The following PARD3B variants were observed in gnomAD, a reference collection of about 807,000 sequenced individuals.
The protein encoded by PARD3B is partitioning defective 3 homolog B.
Under a neutral mutation model 130.2 loss-of-function variants are expected in PARD3B, and 103 were observed. The ratio of observed to expected loss-of-function variants is 0.79; its 90% CI spans 0.67 to 0.93. The LOEUF (loss-of-function observed/expected upper bound fraction) is 0.93, where lower values mean the gene tolerates loss of function less well. PARD3B is among the 40% of genes least tolerant of loss of function. The pLI, the probability that PARD3B is intolerant of heterozygous loss-of-function variation, is 0.00. For missense variants in PARD3B, 1,609 were observed against 1,499.2 expected (o/e 1.07, Z -1.21); for synonymous variants, 583 against 553.2 (o/e 1.05, Z -0.76).
chr2:204,871,368 G>A (rs1409915678), intron 2 of PARD3B, among the ~76,000 whole-genome samples: 1 of 151,974 alleles, frequency 6.6e-6, no homozygotes, highest in African/African-American at 2.4e-5. Context: ...TCATATTTCT[G>A]CATCATATCC....
chr2:205,532,257 G>GAGGCTTTAAAAATATA (rs2051631637), intron 21 of PARD3B, among the ~76,000 whole-genome samples: 1 of 152,102 alleles, frequency 6.6e-6, no homozygotes, highest in Non-Finnish European at 1.5e-5. Context: ...TCATATTTTA[G>GAGGCTTTAAAAATATA]AGGCTTTAAA....
intron 2 of PARD3B, among the ~76,000 whole-genome samples, chr2:204,845,446 G>T (rs541321471): frequency 6.6e-6 from 1 of 151,990 alleles, no homozygotes; most frequent in South Asian, 2.1e-4. Context: ...ATACCAACTA[G>T]AATTATATTT....
chr2:204,759,188 C>G (rs2040799774), intron 2 of PARD3B, among the ~76,000 whole-genome samples: 1 of 152,092 alleles, frequency 6.6e-6, no homozygotes, highest in South Asian at 2.1e-4. Context: ...TTTGGTTCCT[C>G]TGAACACATA....
At chr2:204,582,527 A>G (rs1250792697) in intron 1 of PARD3B, among the ~76,000 whole-genome samples, 2 of 152,018 alleles carry the variant, frequency 1.3e-5, no homozygotes, top group African/African-American at 4.8e-5. Flanking sequence ...TCACACTATT[A>G]AAAGAGTGAC....
intron 15 of PARD3B, among the ~76,000 whole-genome samples, chr2:205,234,343 A>T (rs1213852664): frequency 6.6e-6 from 1 of 152,210 alleles, no homozygotes; most frequent in Non-Finnish European, 1.5e-5. Flanking sequence ...CTTAAAAGTA[A>T]AAGGAAGGAA....
chr2:204,901,672 C>A (rs1252818638), intron 2 of PARD3B, among the ~76,000 whole-genome samples: 3 of 151,830 alleles, frequency 2.0e-5, no homozygotes, highest in Non-Finnish European at 2.9e-5. Context: ...GAGTCTCTTG[C>A]TGTAGCCATC....
In PARD3B at chr2:205,229,005, TTC is replaced by T. The variant is rs1456121941; in HGVS notation, c.2141-16769_2141-16768del. On this transcript the variant is annotated intron_variant, in intron 15 of 22. Transcript: ENST00000406610. This position sits in a 1 kb window ranked among gnomAD's most constrained non-coding sequence, Gnocchi z 5.2. ...TTTATCTGATAGGAGTCTGAATGACTTCTCTTTGTTACCTTGAATTTCACTGA... is the reference window on the plus strand; with the variant it reads ...TTTATCTGATAGGAGTCTGAATGACTTCTTTGTTACCTTGAATTTCACTGA... Among the ~76,000 whole-genome samples, 6 of 152,224 alleles carry T rather than the reference TTC, an allele frequency of 3.9e-5. No homozygotes were observed. Among genetic ancestry groups the T allele is most frequent in the Admixed American group, 3.9e-4 (6 of 15,288 alleles).
rs1035865613 is a variant in PARD3B at position 204,720,011 on chromosome 2, G to T, written c.222+33729G>T. 7.2e-5 allele frequency among the ~76,000 whole-genome samples: 11 copies of T among 151,886 alleles called. 1 individual carries two copies. Among genetic ancestry groups the T allele is most frequent in the Admixed American group, 4.6e-4 (7 of 15,262 alleles). On this transcript the variant is annotated intron_variant, in intron 2 of 22. Coordinates refer to ENST00000406610, the MANE Select transcript of PARD3B (RefSeq NM_001302769.2). ...TCTTGAAATTACTCCTTTTTTTGAG[G>T]TTTCTTTGTATGTGTCTGTAAAGAG...
intron 1 of PARD3B, among the ~76,000 whole-genome samples, chr2:204,625,049 C>A (rs940712030): frequency 2.6e-5 from 4 of 152,010 alleles, no homozygotes; most frequent in African/African-American, 9.7e-5. Context: ...ATGTCTTTAA[C>A]CCATTTTCAA....
Position 205,113,393 on chromosome 2 carries a change from G to GGTGTGTGTGTGTGT in PARD3B, c.594-81_594-68dup, listed in dbSNP as rs3217407. The GGTGTGTGTGTGTGT allele has an allele frequency of 8.2e-5, 47 of 571,690 alleles. No homozygotes were observed. In the African/African-American group the frequency reaches 1.0e-3, roughly 13 times the overall value. 35.4% of individuals were successfully genotyped at this position (571,690 alleles called of 1,614,324 possible). ...ATTAGTTGATATAATCCTGAGCAGG[G>GGTGTGTGTGTGTGT]GTGTGTGTGTGTGTGTGTGTGTGTG... On this transcript the variant is annotated intron_variant, in intron 5 of 22. Transcript: ENST00000406610.
At chr2:204,808,489 C>G (rs2042853610) in intron 2 of PARD3B, among the ~76,000 whole-genome samples, 1 of 152,092 alleles carries the variant, frequency 6.6e-6, no homozygotes, top group Non-Finnish European at 1.5e-5. Flanking sequence ...TCTCCCTCCT[C>G]CCACCTGCCT....
At chr2:204,695,354 G>A (rs1049313071) in intron 2 of PARD3B, among the ~76,000 whole-genome samples, 2 of 151,782 alleles carry the variant, frequency 1.3e-5, no homozygotes, top group African/African-American at 4.8e-5. Context: ...GACTACTTAA[G>A]CTATAAAACA....
At chr2:205,313,620 T>C (rs544590625) in intron 18 of PARD3B, among the ~76,000 whole-genome samples, 11 of 152,208 alleles carry the variant, frequency 7.2e-5, no homozygotes, top group Non-Finnish European at 1.5e-4. Context: ...AAAAGGCTTA[T>C]TTATTTGATT....
intron 20 of PARD3B, among the ~76,000 whole-genome samples, chr2:205,478,784 C>T (rs1415125287): frequency 2.0e-5 from 3 of 152,112 alleles, no homozygotes; most frequent in Non-Finnish European, 2.9e-5. Flanking sequence ...TGAGCTTGGA[C>T]GTTCTCACAG....
chr2:204,848,074 A>C (rs2044540914), intron 2 of PARD3B, among the ~76,000 whole-genome samples: 1 of 152,282 alleles, frequency 6.6e-6, no homozygotes, highest in Non-Finnish European at 1.5e-5. Flanking sequence ...CATTCACATA[A>C]GTTTTATTAC....
intron 2 of PARD3B, among the ~76,000 whole-genome samples, chr2:204,777,944 G>T (rs1016893019): frequency 3.9e-5 from 6 of 151,986 alleles, no homozygotes; most frequent in African/African-American, 1.5e-4. Flanking sequence ...TTTTATAAGT[G>T]TTTGACAGTT....
At chr2:204,754,214 A>G (rs1423252627) in intron 2 of PARD3B, among the ~76,000 whole-genome samples, 1 of 152,182 alleles carries the variant, frequency 6.6e-6, no homozygotes, top group Non-Finnish European at 1.5e-5. Context: ...AATACTTCAC[A>G]GGTGATTTGG....
chr2:205,568,663 A>G lies in PARD3B; in HGVS notation c.3260+15260A>G, dbSNP rs571759826. On this transcript the variant is annotated intron_variant, in intron 22 of 22. Coordinates refer to ENST00000406610, the MANE Select transcript of PARD3B (RefSeq NM_001302769.2). The surrounding 1 kb of genome is among the most constrained non-coding windows in gnomAD (Gnocchi z 5.3). Reference sequence around the variant, plus strand: ...ACACACAGGCGAGGTAAAGTTCTACATGGATTTCAACATGTCATCTTTGCT... The same window carrying G: ...ACACACAGGCGAGGTAAAGTTCTACGTGGATTTCAACATGTCATCTTTGCT... 6.6e-6 allele frequency among the ~76,000 whole-genome samples: 1 copy of G among 152,324 alleles called. No homozygotes were observed. Among genetic ancestry groups the G allele is most frequent in the East Asian group, 1.9e-4 (1 of 5,182 alleles).
At chr2:205,426,837 G>C (rs373795866) in intron 19 of PARD3B, among the ~76,000 whole-genome samples, 2 of 152,240 alleles carry the variant, frequency 1.3e-5, no homozygotes, top group South Asian at 2.1e-4. Flanking sequence ...AAATGCAAAT[G>C]AGAAAATCAG....
Sources: gnomAD v4.1 joint callset for allele counts (sites outside exome capture counted in the v4.1 genomes callset) on GRCh38, gnomAD v4.1.1 for gene constraint, Gnocchi (gnomAD v3.1) non-coding constraint, MANE v1.5 for transcripts, NCBI Gene and HGNC (gene_info 2026-07-23, HGNC 2026-07-21) for gene names.